Variants in CSK observed in about 807,000 individuals in gnomAD.
The protein encoded by CSK is C-terminal Src kinase, also known as tyrosine-protein kinase CSK.
In CSK, 7 loss-of-function variants were observed where a neutral mutation model predicts 62.3. That is an observed-to-expected ratio of 0.11 (90% CI 0.06 to 0.21). The LOEUF (loss-of-function observed/expected upper bound fraction) is 0.21. Among genes scored for constraint, CSK ranks in the 10% least tolerant of loss-of-function variants. The probability of loss-of-function intolerance (pLI) is 1.00; values close to 1 mark genes in which losing one functional copy is unlikely to be tolerated. For synonymous variants in CSK, 237 were observed against 246.0 expected, an observed-to-expected ratio of 0.96 and a Z score of 0.34; for missense variants, 294 against 613.5, an observed-to-expected ratio of 0.48 and a Z score of 5.50.
chr15:74,802,602 G>T lies in CSK; in HGVS notation c.*89G>T. On this transcript the variant is annotated 3_prime_UTR_variant, in exon 13 of 13. Transcript: ENST00000220003. ...GCCCCTGCTCACTGGGCCCGAGCCT[G>T]AACTGAGCCCCAGCGGGCTGGCGGG... 6.6e-7 allele frequency: 1 copy of T among 1,513,958 alleles called. No homozygotes were observed. The allele number at this position is 1,513,958 out of a possible 1,614,324, so 93.8% of individuals were successfully genotyped here.
At chr15:74,802,253 C>A in intron 12 of CSK, 78 bp from the exon 13 acceptor site, 1 of 1,464,102 alleles carries the variant, frequency 6.8e-7, no homozygotes, top group Non-Finnish European at 9.2e-7. Context: ...AGCTGATGGG[C>A]ATCCCTGAGA....
Position 74,798,478 on chromosome 15 carries a change from C to T in CSK, c.16-137C>T, listed in dbSNP as rs764485759. On this transcript the variant is annotated intron_variant, in intron 2 of 12. Coordinates refer to ENST00000220003, the MANE Select transcript of CSK (RefSeq NM_004383.3). The surrounding 1 kb of genome is among the most constrained non-coding windows in gnomAD (Gnocchi z 6.6). ...TGGGGGAGTCTCAACAGGAAGGGAC[C>T]CAGGGCTCGTTCTCCGGGCAGAGCA... The T allele has an allele frequency of 4.3e-5, 52 of 1,220,620 alleles. No individual in the cohort carries two copies. The highest frequency in any genetic ancestry group is 1.9e-4 in the Middle Eastern group (1 of 5,366). The allele number at this position is 1,220,620 out of a possible 1,614,324, so 75.6% of individuals were successfully genotyped here. A position where few individuals can be genotyped will look rare whatever the true frequency, so the allele number is the denominator to read the frequency against.
chr15:74,797,544 A>T (rs2063725633), intron 1 of CSK, among the ~76,000 whole-genome samples: 1 of 152,130 alleles, frequency 6.6e-6, no homozygotes, highest in Admixed American at 6.5e-5. Context: ...AAGAAAAGAA[A>T]TTCATCAGTG....
chr15:74,786,375 G>A (rs911858718), intron 1 of CSK, among the ~76,000 whole-genome samples: 9 of 152,094 alleles, frequency 5.9e-5, no homozygotes, highest in African/African-American at 2.2e-4. Context: ...AGCCCAGCTT[G>A]GCATTTTCCC....
chr15:74,802,135 G>C (rs928402193), intron 12 of CSK, 52 bp downstream of exon 12: 95 of 1,577,048 alleles, frequency 6.0e-5, no homozygotes, highest in Non-Finnish European at 8.1e-5. Flanking sequence ...GGAGGGGTTG[G>C]CAGGGGCGTG....
intron 9 of CSK, 72 bp from the exon 10 acceptor site, chr15:74,801,450 G>GC: frequency 6.8e-7 from 1 of 1,478,706 alleles, no homozygotes; most frequent in Non-Finnish European, 9.2e-7. Context: ...CACCCACCCG[G>GC]CCCCAGCGTG....
At position 74,801,749 on chromosome 15, in the gene CSK, C is replaced by T; in HGVS notation, c.942C>T (p.Asp314=). 1 of 1,614,056 alleles carries T rather than the reference C, an allele frequency of 6.2e-7. No homozygotes were observed. The highest frequency in any genetic ancestry group is 8.5e-7 in the Non-Finnish European group (1 of 1,180,004). The change falls in exon 11 of 13, where the codon GAC becomes GAT. Residue 314 remains aspartate, a synonymous_variant. Coordinates refer to ENST00000220003, the MANE Select transcript of CSK (RefSeq NM_004383.3). ...YLEGNNFVHR[D]LAARNVLVSE... ...AGGGCAACAATTTCGTGCATCGAGACCTGGCTGCCCGCAATGTGCTGGTGT... is the reference window on the plus strand; with the variant it reads ...AGGGCAACAATTTCGTGCATCGAGATCTGGCTGCCCGCAATGTGCTGGTGT...
chr15:74,802,864 GAGAA>G lies in CSK; in HGVS notation c.*358_*361del, dbSNP rs2063815274. On this transcript the variant is annotated 3_prime_UTR_variant, in exon 13 of 13. Coordinates refer to ENST00000220003, the MANE Select transcript of CSK (RefSeq NM_004383.3). ...ATTTTTTATTATTTTTCAAGATAAG[GAGAA>G]AGAAAGTACCCAGCAAATGGGCATT... 1 of 221,114 alleles carries G rather than the reference GAGAA, an allele frequency of 4.5e-6. No individual in the cohort carries two copies. Among genetic ancestry groups the G allele is most frequent in the African/African-American group, 2.3e-5 (1 of 42,784 alleles). 13.7% of individuals were successfully genotyped at this position (221,114 alleles called of 1,614,324 possible).
At chr15:74,801,417 C>G in intron 9 of CSK, 105 bp from the exon 10 acceptor site, 3 of 1,143,302 alleles carry the variant, frequency 2.6e-6, no homozygotes, top group Non-Finnish European at 3.8e-6. Context: ...CCTTCCCTGT[C>G]TCACACCTCC....
intron 4 of CSK, 36 bp from the exon 5 acceptor site, chr15:74,799,236 T>C (rs773825022): frequency 6.3e-7 from 1 of 1,580,190 alleles, no homozygotes; most frequent in Non-Finnish European, 8.6e-7. Flanking sequence ...TCAGTACCTT[T>C]GGGCCACCAT....
At position 74,790,222 on chromosome 15, in the gene CSK, A is replaced by G. The variant is rs2063597547; in HGVS notation, c.-66+7502A>G. ...AGGTCTTTTGTGCACTTCCCTTTTC[A>G]GTGGGTATTTTTAGCTGGGCGTAAA... On this transcript the variant is annotated intron_variant, in intron 1 of 12. Transcript: ENST00000220003. Among the ~76,000 whole-genome samples, 3 of 152,248 alleles carry G rather than the reference A, an allele frequency of 2.0e-5. No individual in the cohort carries two copies. The South Asian group carries it at 6.2e-4, about 32-fold the overall frequency.
chr15:74,785,766 C>T (rs553329496), intron 1 of CSK, among the ~76,000 whole-genome samples: 9 of 152,208 alleles, frequency 5.9e-5, no homozygotes, highest in Non-Finnish European at 1.0e-4. Context: ...AGGTGGTCTC[C>T]GCCTGAGGAG....
intron 6 of CSK, 60 bp downstream of exon 6, chr15:74,800,565 G>T: frequency 6.4e-7 from 1 of 1,570,736 alleles, no homozygotes. Flanking sequence ...AGGCTTCCTG[G>T]CACTGCCCCA....
chr15:74,791,332 C>T (rs1056162397), intron 1 of CSK, among the ~76,000 whole-genome samples: 4 of 152,078 alleles, frequency 2.6e-5, no homozygotes, highest in Admixed American at 1.3e-4. Flanking sequence ...ATTCATATAT[C>T]CTTCATGCAG....
rs1298848276 is a variant in CSK, at chr15:74,799,148, G to A, written c.243-124G>A. ...GAAGGGACAGGGAGCAGAAGAAGAG[G>A]GCCTCAAATGCCTGACTGAGCGAGT... On this transcript the variant is annotated intron_variant, in intron 4 of 12. Coordinates refer to ENST00000220003, the MANE Select transcript of CSK (RefSeq NM_004383.3). 4 of 1,072,428 alleles carry A rather than the reference G, an allele frequency of 3.7e-6. No homozygotes were observed. In the African/African-American group the frequency reaches 4.7e-5, roughly 13 times the overall value. The allele number at this position is 1,072,428 out of a possible 1,614,324, so 66.4% of individuals were successfully genotyped here.
At position 74,799,468 on chromosome 15, in the gene CSK, G is replaced by C. The variant is rs1180413663; in HGVS notation, c.439G>C (p.Glu147Gln). ...CAGCATCGACGAGGAGGTGTACTTTGAGAACCTCATGCAGCTGGTGGAGGT... is the reference window on the plus strand; with the variant it reads ...CAGCATCGACGAGGAGGTGTACTTTCAGAACCTCATGCAGCTGGTGGAGGT... The part of the protein sequence containing the change: ...KLSIDEEVYF[E>Q]NLMQLVEHYT... Residue 147 changes from glutamate (E) to glutamine (Q), a missense_variant, in exon 5 of 13, where the codon GAG (glutamate) becomes CAG (glutamine). By Grantham distance (29) the Glu-to-Gln change is conservative (BLOSUM62 2). This residue lies in a region of CSK where 202 missense variants were observed against 415.7 expected (regional missense o/e 0.49). Coordinates refer to ENST00000220003, the MANE Select transcript of CSK (RefSeq NM_004383.3). 6.2e-6 allele frequency: 10 copies of C among 1,613,210 alleles called. No individual in the cohort carries two copies. The South Asian group carries it at 1.1e-4, about 18-fold the overall frequency.
At position 74,798,917 on chromosome 15, in the gene CSK, G is replaced by A. The variant is rs1312171186; in HGVS notation, c.221G>A (p.Gly74Asp). The change falls in exon 4 of 13, where the codon GGT becomes GAT. Residue 74 changes from glycine to aspartate, a missense_variant. This residue lies in a region of CSK where 202 missense variants were observed against 415.7 expected (regional missense o/e 0.49). Coordinates refer to ENST00000220003, the MANE Select transcript of CSK (RefSeq NM_004383.3). The surrounding 1 kb of genome is among the most constrained non-coding windows in gnomAD (Gnocchi z 6.6). Reference protein sequence around the residue: ...YVQKREGVKAGTKLSLMPWFH... With the variant: ...YVQKREGVKADTKLSLMPWFH... ...CAGAAGCGGGAGGGCGTGAAGGCGG[G>A]TACCAAACTCAGCCTCATGCCGTGA... The A allele has an allele frequency of 1.3e-6, 2 of 1,533,472 alleles. No individual in the cohort carries two copies. Among genetic ancestry groups the A allele is most frequent in the Non-Finnish European group, 1.8e-6 (2 of 1,140,916 alleles). 95.0% of individuals were successfully genotyped at this position (1,533,472 alleles called of 1,614,324 possible). A position where few individuals can be genotyped will look rare whatever the true frequency, so the allele number is the denominator to read the frequency against.
rs1007933842 is a variant in CSK at position 74,782,654 on chromosome 15, G to A, written c.-132G>A. The A allele has an allele frequency of 1.3e-5, 2 of 152,894 alleles. No homozygotes were observed. Among genetic ancestry groups the A allele is most frequent in the African/African-American group, 4.8e-5 (2 of 41,440 alleles). The allele number at this position is 152,894 out of a possible 1,614,324, so 9.5% of individuals were successfully genotyped here. On this transcript the variant is annotated 5_prime_UTR_variant, in exon 1 of 13. An upstream start codon of the reference 5' UTR is lost. Transcript: ENST00000220003. The surrounding 1 kb of genome is among the most constrained non-coding windows in gnomAD (Gnocchi z 5.7). Reference sequence around the variant, plus strand: ...CCCCTCCCCTCCCCCCTGACCGCATGGACCGTCCCGCAGGCCGCTGATGCC... The same window carrying A: ...CCCCTCCCCTCCCCCCTGACCGCATAGACCGTCCCGCAGGCCGCTGATGCC...
intron 11 of CSK, 42 bp from the exon 12 acceptor site, chr15:74,801,955 G>A: frequency 6.2e-7 from 1 of 1,611,596 alleles, no homozygotes; most frequent in Non-Finnish European, 8.5e-7. Flanking sequence ...CCCCACCCTG[G>A]AGTCCCAGGA....
Sources: allele counts gnomAD v4.1 joint callset (sites outside exome capture counted in the v4.1 genomes callset), GRCh38; gene constraint gnomAD v4.1.1; regional missense constraint gnomAD v4.1.1; non-coding constraint Gnocchi (gnomAD v3.1); transcripts MANE v1.5; gene names NCBI Gene and HGNC (gene_info 2026-07-23, HGNC 2026-07-21).